Variants in ZNF334 observed in about 807,000 individuals in gnomAD.
ZNF334 encodes zinc finger protein 334.
A neutral mutation model predicts 12.4 loss-of-function variants in ZNF334; 14 were observed. The observed-to-expected ratio is 1.13, with a 90% CI of 0.74 to 1.76. ZNF334 has a LOEUF of 1.76. Among genes scored for constraint, ZNF334 ranks in the 40% most tolerant of loss-of-function variants. The probability of loss-of-function intolerance (pLI) is 0.00; values close to 1 mark genes in which losing one functional copy is unlikely to be tolerated. For missense variants in ZNF334, 797 were observed against 804.5 expected, an observed-to-expected ratio of 0.99 and a Z score of 0.11; for synonymous variants, 273 against 269.6, an observed-to-expected ratio of 1.01 and a Z score of -0.12.
At chr20:46,475,892 A>G in the ZNF334 span, among the ~76,000 whole-genome samples, 1 of 152,226 alleles carries the variant, frequency 6.6e-6, no homozygotes, top group South Asian at 2.1e-4. Context: ...ATTCCTCTAC[A>G]ACCTGGCAAT....
rs149340766 is a variant in ZNF334, at chr20:46,509,219, T to A, written c.21+2863A>T. On this transcript the variant is annotated intron_variant, in intron 2 of 4. Coordinates refer to ENST00000692313, the MANE Select transcript of ZNF334 (RefSeq NM_001353824.2). The stretch of plus-strand genomic sequence containing the variant: ...TATATTCGAGTTCTATTGATTTTTT[T>A]AAAAATTACACAAGTAAGTTGTATT... Among the ~76,000 whole-genome samples the A allele has an allele frequency of 3.1e-3, 479 of 152,334 alleles. 1 individual carries two copies. Among genetic ancestry groups the A allele is most frequent in the African/African-American group, 1.0e-2 (414 of 41,570 alleles).
chr20:46,506,382 C>T (rs1469892569), intron 2 of ZNF334: 1 of 559,304 alleles, frequency 1.8e-6, no homozygotes, highest in Non-Finnish European at 3.2e-6. Context: ...TCCCAGCACT[C>T]TGAGAGGTTG....
the ZNF334 span, among the ~76,000 whole-genome samples, chr20:46,482,761 ATTT>A: frequency 6.6e-6 from 1 of 152,126 alleles, no homozygotes; most frequent in Non-Finnish European, 1.5e-5. Flanking sequence ...TATTCTGTAA[ATTT>A]TTAAGTTTTG....
At position 46,500,268 on chromosome 20, in the gene ZNF334, A is replaced by G. The variant is rs2061109659; in HGVS notation, c.*1028T>C. The stretch of plus-strand genomic sequence containing the variant: ...GGTATAGGGAAAATCCCACTCATGG[A>G]AATCAGAACTTGAAAGGTAAACATT... On this transcript the variant is annotated 3_prime_UTR_variant, in exon 5 of 5. Coordinates refer to ENST00000692313, the MANE Select transcript of ZNF334 (RefSeq NM_001353824.2). 1 of 152,226 alleles carries G rather than the reference A, an allele frequency of 6.6e-6. No homozygotes were observed. Among genetic ancestry groups the G allele is most frequent in the Non-Finnish European group, 1.5e-5 (1 of 68,038 alleles). 9.4% of individuals were successfully genotyped at this position (152,226 alleles called of 1,614,324 possible).
downstream of ZNF334, chr20:46,496,800 C>A (rs1478480249): frequency 6.6e-6 from 1 of 152,300 alleles, no homozygotes; most frequent in African/African-American, 2.4e-5. Flanking sequence ...AGCTCCTGGG[C>A]TAGGTGTGTG....
At chr20:46,477,068 G>A in the ZNF334 span, 8 of 152,228 alleles carry the variant, frequency 5.3e-5, no homozygotes, top group Admixed American at 2.0e-4. Context: ...CCTGTTTTCC[G>A]GCATATTAAG....
At chr20:46,505,836 G>A (rs745518332) in intron 2 of ZNF334, 2 of 153,182 alleles carry the variant, frequency 1.3e-5, no homozygotes, top group Non-Finnish European at 2.9e-5. Context: ...CTAGAAAAAT[G>A]GAAACTGGCT....
At chr20:46,481,939 A>C in the ZNF334 span, among the ~76,000 whole-genome samples, 1 of 152,004 alleles carries the variant, frequency 6.6e-6, no homozygotes, top group African/African-American at 2.4e-5. Flanking sequence ...AGGTGTCATT[A>C]AGTTGAGGAT....
Position 46,501,781 on chromosome 20 carries a change from T to C in ZNF334, c.1558A>G (p.Ser520Gly). 2 of 1,614,224 alleles carry C rather than the reference T, an allele frequency of 1.2e-6. No individual in the cohort carries two copies. Among genetic ancestry groups the C allele is most frequent in the South Asian group, 2.2e-5 (2 of 91,086 alleles). The change falls in exon 5 of 5, where the codon AGT becomes GGT. Residue 520 changes from serine to glycine, a missense_variant. By Grantham distance (56) the Ser-to-Gly change is moderately conservative (BLOSUM62 0). Transcript: ENST00000692313. ...MNTKENLYEC[S>G]EHGHAVSKNS... ...TTGCTGACGGCATGCCCATGTTCAC[T>C]ACACTCATAAAGATTCTCCTTTGTG...
downstream of ZNF334, among the ~76,000 whole-genome samples, chr20:46,495,803 C>T (rs1031322130): frequency 6.6e-6 from 1 of 152,140 alleles, no homozygotes. Flanking sequence ...ATCTCCCGAC[C>T]TTCATAAGTC....
At position 46,501,855 on chromosome 20, in the gene ZNF334, CCA is replaced by C; in HGVS notation, c.1482_1483del (p.Cys494TrpfsTer2). 1 of 1,613,900 alleles carries C rather than the reference CCA, an allele frequency of 6.2e-7. No individual in the cohort carries two copies. The highest frequency in any genetic ancestry group is 8.5e-7 in the Non-Finnish European group (1 of 1,179,944). ...GTTTGACTTCACAATGGAGATTCTA[CCA>C]CATTTATTAAACACACCATGTTTCT... On this transcript the variant is annotated frameshift_variant, in exon 5 of 5. Transcript: ENST00000692313. LOFTEE classifies it low-confidence loss of function (END_TRUNC).
chr20:46,505,436 A>G (rs1194307548), intron 2 of ZNF334: 1 of 153,388 alleles, frequency 6.5e-6, no homozygotes, highest in Non-Finnish European at 1.5e-5. Flanking sequence ...AATATCAATA[A>G]AGCTTAATTA....
rs1568882527 is a variant in ZNF334, at chr20:46,512,116, A to G, written c.-14T>C. On this transcript the variant is annotated 5_prime_UTR_variant, in exon 2 of 5. Coordinates refer to ENST00000692313, the MANE Select transcript of ZNF334 (RefSeq NM_001353824.2). ...TTTCATTTTCATGTTCTCTTGAGAA[A>G]GGGCCAAGAGTGTTGAAAGCAGAGC... 6.2e-7 allele frequency: 1 copy of G among 1,613,700 alleles called. No individual in the cohort carries two copies. The highest frequency in any genetic ancestry group is 1.7e-5 in the Admixed American group (1 of 60,024).
chr20:46,474,084 CAG>C, the ZNF334 span, among the ~76,000 whole-genome samples: 1 of 152,122 alleles, frequency 6.6e-6, no homozygotes, highest in Admixed American at 6.6e-5. Context: ...TTGTGAAAAT[CAG>C]AGTCAAGGCC....
chr20:46,464,906 G>C, the ZNF334 span: 1 of 520,478 alleles, frequency 1.9e-6, no homozygotes, highest in African/African-American at 1.9e-5. Context: ...ACTTAAGGAA[G>C]CAGCAAGGGA....
chr20:46,472,126 A>G, the ZNF334 span, among the ~76,000 whole-genome samples: 21 of 152,318 alleles, frequency 1.4e-4, no homozygotes, highest in African/African-American at 5.1e-4. Context: ...TCTTTCCAGC[A>G]TAATAGCCAA....
chr20:46,490,472 T>G, the ZNF334 span, among the ~76,000 whole-genome samples: 1 of 152,220 alleles, frequency 6.6e-6, no homozygotes, highest in African/African-American at 2.4e-5. Context: ...TTAAAGGGCC[T>G]TAATGGAAAC....
At position 46,502,138 on chromosome 20, in the gene ZNF334, C is replaced by T. The variant is rs184839873; in HGVS notation, c.1201G>A (p.Gly401Arg). The part of the protein sequence containing the change: ...ALTAHQRIHT[G>R]EKPYECSECE... ...TCACTACATTCATAGGGTTTTTCCC[C>T]TGTGTGAATTCTCTGATGCGCAGTA... The change falls in exon 5 of 5, where the codon GGG becomes AGG. Residue 401 changes from glycine to arginine, a missense_variant. Transcript: ENST00000692313. 1 of 1,613,476 alleles carries T rather than the reference C, an allele frequency of 6.2e-7. No individual in the cohort carries two copies. The highest frequency in any genetic ancestry group is 8.5e-7 in the Non-Finnish European group (1 of 1,179,656).
At chr20:46,476,158 T>C in the ZNF334 span, 1 of 152,236 alleles carries the variant, frequency 6.6e-6, no homozygotes, top group African/African-American at 2.4e-5. Flanking sequence ...AGAAGTTATA[T>C]ACTGCATGAT....
Sources: allele counts gnomAD v4.1 joint callset (sites outside exome capture counted in the v4.1 genomes callset), GRCh38; gene constraint gnomAD v4.1.1; transcripts MANE v1.5; gene names NCBI Gene and HGNC (gene_info 2026-07-23, HGNC 2026-07-21).